EIF2AK4: variants seen among roughly 807,000 people sequenced by gnomAD.
The protein encoded by EIF2AK4 is eukaryotic translation initiation factor 2 alpha kinase 4, also known as eIF-2-alpha kinase GCN2.
Under a neutral mutation model 211.1 loss-of-function variants are expected in EIF2AK4, and 139 were observed. That is an observed-to-expected ratio of 0.66 (90% CI 0.57 to 0.76). The LOEUF (loss-of-function observed/expected upper bound fraction) is 0.76. Among genes scored for constraint, EIF2AK4 ranks in the 30% least tolerant of loss-of-function variants. The pLI, the probability that EIF2AK4 is intolerant of heterozygous loss-of-function variation, is 0.00. For missense variants in EIF2AK4, 1,664 were observed against 2,043.8 expected, an observed-to-expected ratio of 0.81 and a Z score of 3.58; for synonymous variants, 710 against 751.3, an observed-to-expected ratio of 0.94 and a Z score of 0.90.
chr15:39,949,408 G>T, intron 4 of EIF2AK4, 140 bp downstream of exon 4: 1 of 1,278,996 alleles, frequency 7.8e-7, no homozygotes, highest in Non-Finnish European at 1.1e-6. Flanking sequence ...ACACATGTGA[G>T]AGTATGAAAA....
At chr15:40,024,767 C>T (rs1224257976) in intron 32 of EIF2AK4, among the ~76,000 whole-genome samples, 3 of 148,452 alleles carry the variant, frequency 2.0e-5, no homozygotes, top group Non-Finnish European at 4.5e-5. Context: ...GGGTCTCACT[C>T]ACCTATGTTG....
intron 21 of EIF2AK4, 79 bp downstream of exon 21, chr15:40,001,303 T>C (rs967168964): frequency 4.3e-6 from 6 of 1,393,042 alleles, no homozygotes; most frequent in Admixed American, 1.8e-5. Context: ...CAGATTCTTT[T>C]AATGCCTCTA....
At chr15:39,983,801 T>C (rs1019935885) in intron 13 of EIF2AK4, among the ~76,000 whole-genome samples, 2 of 152,242 alleles carry the variant, frequency 1.3e-5, no homozygotes, top group African/African-American at 4.8e-5. Context: ...TTCTGTAGGT[T>C]GCCTGTTCAC....
At chr15:39,939,697 A>G (rs1415899859) in intron 2 of EIF2AK4, 80 bp downstream of exon 2, 1 of 1,162,134 alleles carries the variant, frequency 8.6e-7, no homozygotes, top group East Asian at 2.5e-5. Context: ...AATTCGTAGT[A>G]TTTTCTCCTT....
Position 39,949,217 on chromosome 15 carries a change from TC to T in EIF2AK4, c.463del (p.Gln155ArgfsTer32). 6.2e-7 allele frequency: 1 copy of T among 1,614,066 alleles called. No individual in the cohort carries two copies. Among genetic ancestry groups the T allele is most frequent in the Non-Finnish European group, 8.5e-7 (1 of 1,180,012 alleles). On this transcript the variant is annotated frameshift_variant, in exon 4 of 39. Transcript: ENST00000263791. LOFTEE classifies it high-confidence loss of function. ...FHEEMLERRA[Q>X]EEQQRLLEAK... ...ATGAAGAAATGCTGGAAAGGCGGGCTCAGGAGGAGCAGCAGAGGCTGTTGGA... is the reference window on the plus strand; with the variant it reads ...ATGAAGAAATGCTGGAAAGGCGGGCTAGGAGGAGCAGCAGAGGCTGTTGGA...
intron 34 of EIF2AK4, 72 bp downstream of exon 34, chr15:40,029,536 A>G (rs1595439479): frequency 5.4e-6 from 8 of 1,471,232 alleles, no homozygotes; most frequent in Middle Eastern, 2.2e-4. Flanking sequence ...TACTGTAGCT[A>G]ACTGCTTGTG....
At chr15:39,971,628 G>T (rs2034626282) in intron 9 of EIF2AK4, among the ~76,000 whole-genome samples, 1 of 152,062 alleles carries the variant, frequency 6.6e-6, no homozygotes, top group East Asian at 1.9e-4. Flanking sequence ...GAGGCAAGAG[G>T]ATGCTTTGAG....
chr15:39,975,009 G>A (rs1463426488), intron 11 of EIF2AK4: 2 of 152,118 alleles, frequency 1.3e-5, no homozygotes, highest in Non-Finnish European at 2.9e-5. Flanking sequence ...ACAGGAGATC[G>A]AAAGGCAATG....
At chr15:39,960,622 G>A (rs897049174) in intron 6 of EIF2AK4, among the ~76,000 whole-genome samples, 2 of 152,112 alleles carry the variant, frequency 1.3e-5, no homozygotes, top group African/African-American at 4.8e-5. Context: ...ACAGGATGGG[G>A]CGGGTGGTGC....
At chr15:39,949,403 T>G in intron 4 of EIF2AK4, 135 bp downstream of exon 4, 1 of 1,291,998 alleles carries the variant, frequency 7.7e-7, no homozygotes, top group Non-Finnish European at 1.0e-6. Context: ...GGTAGACACA[T>G]GTGAGAGTAT....
chr15:40,027,066 T>G (rs888609734), intron 33 of EIF2AK4, among the ~76,000 whole-genome samples: 7 of 152,198 alleles, frequency 4.6e-5, no homozygotes, highest in Admixed American at 1.3e-4. Context: ...ATATGTTTAT[T>G]CATTTAAAAA....
intron 21 of EIF2AK4, among the ~76,000 whole-genome samples, chr15:40,002,057 T>C (rs1368246077): frequency 6.6e-6 from 1 of 152,216 alleles, no homozygotes; most frequent in Non-Finnish European, 1.5e-5. Context: ...ATATATGATA[T>C]AATTTAAAAA....
In EIF2AK4 at chr15:39,953,970, G is replaced by T. The variant is rs2034355844; in HGVS notation, c.580G>T (p.Glu194Ter). The T allele has an allele frequency of 1.3e-6, 2 of 1,597,896 alleles. No homozygotes were observed. Among genetic ancestry groups the T allele is most frequent in the Non-Finnish European group, 1.7e-6 (2 of 1,174,088 alleles). Residue 194 changes from glutamate (E) to a stop codon, truncating the protein, a stop_gained, in exon 5 of 39, where the codon GAA becomes TAA. Coordinates refer to ENST00000263791, the MANE Select transcript of EIF2AK4 (RefSeq NM_001013703.4). LOFTEE classifies it high-confidence loss of function. ...GATAAAAGAAGAGAAAAAAAGGAAA[G>T]AAATGGCTAAGCAGGTACCCTATCA... is the stretch of plus-strand genomic sequence containing the variant. ...EEIKEEKKRK[E>*]MAKQERLEIA...
chr15:39,943,048 G>A (rs938770457), intron 2 of EIF2AK4, among the ~76,000 whole-genome samples: 2 of 151,302 alleles, frequency 1.3e-5, no homozygotes, highest in Non-Finnish European at 2.9e-5. Flanking sequence ...TTTTTTTAAG[G>A]TGAAGAACTC....
rs562638876 is a variant in EIF2AK4, at chr15:39,985,700, C to A, written c.2320-105C>A. On this transcript the variant is annotated intron_variant, in intron 13 of 38. Coordinates refer to ENST00000263791, the MANE Select transcript of EIF2AK4 (RefSeq NM_001013703.4). ...GCTCACTGACTTCTCCCTAAGGCAACTGGGTGGCCCTGTGTTGGGGGTGGG... is the reference window on the plus strand; with the variant it reads ...GCTCACTGACTTCTCCCTAAGGCAAATGGGTGGCCCTGTGTTGGGGGTGGG... 38 of 933,988 alleles carry A rather than the reference C, an allele frequency of 4.1e-5. 1 individual carries two copies. In the Admixed American group the frequency reaches 5.9e-4, roughly 14 times the overall value. 57.9% of individuals were successfully genotyped at this position (933,988 alleles called of 1,614,324 possible).
At chr15:39,989,475 T>G (rs2140926831) in intron 15 of EIF2AK4, among the ~76,000 whole-genome samples, 1 of 152,348 alleles carries the variant, frequency 6.6e-6, no homozygotes, top group Middle Eastern at 3.4e-3. Flanking sequence ...TGTATTACTG[T>G]GATTTTATCC....
intron 29 of EIF2AK4, among the ~76,000 whole-genome samples, chr15:40,018,410 C>A (rs962844294): frequency 6.6e-6 from 1 of 151,592 alleles, no homozygotes; most frequent in Non-Finnish European, 1.5e-5. Context: ...ATGTCTTTTG[C>A]GAATTTGGAG....
chr15:39,972,999 G>A lies in EIF2AK4; in HGVS notation c.1645G>A (p.Glu549Lys). ...TCCCCAGCCAAAAATGCCTCTAGTG[G>A]AACAAAGTCCTGAAGGTGAGTCTGT... ...INPQPKMPLV[E>K]QSPEDSEGQD... The change falls in exon 10 of 39, where the codon GAA (glutamate) becomes AAA (lysine). Residue 549 changes from glutamate to lysine, a missense_variant. By Grantham distance (56) the Glu-to-Lys change is moderately conservative (BLOSUM62 1). Transcript: ENST00000263791. 1 of 1,613,924 alleles carries A rather than the reference G, an allele frequency of 6.2e-7. No homozygotes were observed. Among genetic ancestry groups the A allele is most frequent in the Non-Finnish European group, 8.5e-7 (1 of 1,179,880 alleles).
At chr15:39,965,618 C>T (rs1419001194) in intron 7 of EIF2AK4, 68 bp from the exon 8 acceptor site, 6 of 1,568,352 alleles carry the variant, frequency 3.8e-6, no homozygotes, top group Admixed American at 1.8e-5. Flanking sequence ...TGTATTACCC[C>T]CTCCCTTCCT....
Sources: allele counts gnomAD v4.1 joint callset (sites outside exome capture counted in the v4.1 genomes callset), GRCh38; gene constraint gnomAD v4.1.1; transcripts MANE v1.5; gene names NCBI Gene and HGNC (gene_info 2026-07-23, HGNC 2026-07-21).